Variants in EPHB1 observed in about 807,000 individuals in gnomAD.
EPHB1 encodes the protein ephrin type-B receptor 1.
Under a neutral mutation model 94.4 loss-of-function variants are expected in EPHB1, and 30 were observed. That is an observed-to-expected ratio of 0.32 (90% CI 0.24 to 0.43). EPHB1 has a LOEUF of 0.43. Among genes scored for constraint, EPHB1 ranks in the 20% least tolerant of loss-of-function variants. The pLI, the probability that EPHB1 is intolerant of heterozygous loss-of-function variation, is 1.00. For missense variants in EPHB1, 1,055 were observed against 1,308.3 expected, an observed-to-expected ratio of 0.81 and a Z score of 2.99; for synonymous variants, 522 against 489.1, an observed-to-expected ratio of 1.07 and a Z score of -0.89.
In EPHB1 at chr3:135,027,941, G is replaced by C. The variant is rs1355470188; in HGVS notation, c.805+75889G>C. Among the ~76,000 whole-genome samples the C allele has an allele frequency of 4.2e-5, 6 of 142,534 alleles. No homozygotes were observed. The East Asian group carries it at 1.3e-3, about 31-fold the overall frequency. The allele number at this position is 142,534 out of a possible 152,430, so 93.5% of individuals were successfully genotyped here. ...TATTCAGAGATTCAACTTCTTCCTGGTTTAGTCTTGGGAGAGTGTATGTGT... is the reference window on the plus strand; with the variant it reads ...TATTCAGAGATTCAACTTCTTCCTGCTTTAGTCTTGGGAGAGTGTATGTGT... On this transcript the variant is annotated intron_variant, in intron 3 of 15. Coordinates refer to ENST00000398015, the MANE Select transcript of EPHB1 (RefSeq NM_004441.5).
chr3:134,851,020 C>G (rs1464006882), intron 1 of EPHB1, among the ~76,000 whole-genome samples: 2 of 152,262 alleles, frequency 1.3e-5, no homozygotes, highest in African/African-American at 2.4e-5. Context: ...TCTCCTCTTC[C>G]TGGTTGGACC....
intron 3 of EPHB1, among the ~76,000 whole-genome samples, chr3:135,001,043 A>G (rs1410150826): frequency 1.3e-5 from 2 of 152,134 alleles, no homozygotes; most frequent in African/African-American, 4.8e-5. Flanking sequence ...CTCGGAGCAG[A>G]CACCTTTTCC....
intron 3 of EPHB1, among the ~76,000 whole-genome samples, chr3:135,077,880 G>A (rs1212792860): frequency 6.6e-6 from 1 of 152,178 alleles, no homozygotes; most frequent in East Asian, 1.9e-4. Context: ...GTTGATCTTT[G>A]CCATTGGTTT....
At chr3:134,845,780 T>C (rs2036861327) in intron 1 of EPHB1, among the ~76,000 whole-genome samples, 1 of 152,208 alleles carries the variant, frequency 6.6e-6, no homozygotes, top group Non-Finnish European at 1.5e-5. Flanking sequence ...ACCCACTGTT[T>C]TGCCCCAAAG....
chr3:134,964,512 C>T (rs1488676322), intron 3 of EPHB1, among the ~76,000 whole-genome samples: 2 of 152,176 alleles, frequency 1.3e-5, no homozygotes, highest in Admixed American at 6.5e-5. Flanking sequence ...ATGGATAGAG[C>T]TTCTCATTGA....
chr3:135,024,267 C>T (rs1189332669), intron 3 of EPHB1, among the ~76,000 whole-genome samples: 2 of 152,184 alleles, frequency 1.3e-5, no homozygotes, highest in East Asian at 3.8e-4. Context: ...AACTTCATCT[C>T]AAGAGACTCG....
At chr3:135,039,791 G>A (rs969030288) in intron 3 of EPHB1, among the ~76,000 whole-genome samples, 26 of 152,208 alleles carry the variant, frequency 1.7e-4, no homozygotes, top group Admixed American at 9.2e-4. Flanking sequence ...ACGCAGCCCC[G>A]GTTCCCGCTC....
chr3:134,861,716 T>C (rs1395428635), intron 1 of EPHB1, among the ~76,000 whole-genome samples: 1 of 152,004 alleles, frequency 6.6e-6, no homozygotes, highest in African/African-American at 2.4e-5. Flanking sequence ...AAATAATAGC[T>C]TGTTTGGCAT....
In EPHB1 at chr3:134,907,294, A is replaced by C. The variant is rs191177184; in HGVS notation, c.59-18522A>C. On this transcript the variant is annotated intron_variant, in intron 1 of 15. Coordinates refer to ENST00000398015, the MANE Select transcript of EPHB1 (RefSeq NM_004441.5). ...TCAACTCCAGTGCTCTCTTAGTTGC[A>C]CCATGGCTGGCTAGGTAAGAGTCCA... Among the ~76,000 whole-genome samples, 4 of 152,344 alleles carry C rather than the reference A, an allele frequency of 2.6e-5. No homozygotes were observed. In the East Asian group the frequency reaches 7.7e-4, roughly 29 times the overall value.
chr3:135,204,306 C>T lies in EPHB1; in HGVS notation c.2346+2617C>T, dbSNP rs147454988. 3.0e-3 allele frequency among the ~76,000 whole-genome samples: 449 copies of T among 152,186 alleles called. 2 individuals carry two copies. The highest frequency in any genetic ancestry group is 0.01 in the African/African-American group (421 of 41,504). ...GCAACCTCTGCCTCCAGAGTTTAAG[C>T]GATTCTCCTGTCTCAGCCTCCCAAG... is the stretch of plus-strand genomic sequence containing the variant. On this transcript the variant is annotated intron_variant, in intron 12 of 15. Transcript: ENST00000398015.
chr3:135,204,140 T>G (rs1226186017), intron 12 of EPHB1, among the ~76,000 whole-genome samples: 4 of 152,220 alleles, frequency 2.6e-5, no homozygotes, highest in Non-Finnish European at 5.9e-5. Flanking sequence ...CTCAAGTATA[T>G]ATCCTTTGTG....
intron 3 of EPHB1, among the ~76,000 whole-genome samples, chr3:135,038,630 G>T (rs1936726115): frequency 6.6e-6 from 1 of 152,096 alleles, no homozygotes; most frequent in South Asian, 2.1e-4. Context: ...AGCTCTTAAG[G>T]TGGCGCGTCT....
chr3:134,932,381 A>G (rs2038923132), intron 2 of EPHB1, among the ~76,000 whole-genome samples: 1 of 152,172 alleles, frequency 6.6e-6, no homozygotes, highest in Admixed American at 6.5e-5. Context: ...CAAGTGACTC[A>G]GGAAAGCACA....
At chr3:135,148,914 C>G (rs1367678639) in intron 5 of EPHB1, among the ~76,000 whole-genome samples, 1 of 152,176 alleles carries the variant, frequency 6.6e-6, no homozygotes, top group Non-Finnish European at 1.5e-5. Flanking sequence ...GGCTATAACT[C>G]TCTTCTTCGA....
In EPHB1 at chr3:135,168,653, C is replaced by T. The variant is rs190756163; in HGVS notation, c.1759+1647C>T. On this transcript the variant is annotated intron_variant, in intron 9 of 15. Transcript: ENST00000398015. ...TCCGTATTTCCTCAAGGGCGACCTT[C>T]GTCTCCCTGCTTCCCTGCCTCTGCC... 6.5e-4 allele frequency among the ~76,000 whole-genome samples: 99 copies of T among 152,294 alleles called. 2 individuals are homozygous for T. The highest frequency in any genetic ancestry group is 2.2e-3 in the African/African-American group (91 of 41,564).
At chr3:135,202,115 C>T (rs1286907139) in intron 12 of EPHB1, among the ~76,000 whole-genome samples, 1 of 152,168 alleles carries the variant, frequency 6.6e-6, no homozygotes, top group Non-Finnish European at 1.5e-5. Flanking sequence ...TCTCTCTTCT[C>T]TCTATATTGC....
At chr3:134,996,625 G>A (rs896586154) in intron 3 of EPHB1, among the ~76,000 whole-genome samples, 1 of 152,124 alleles carries the variant, frequency 6.6e-6, no homozygotes, top group South Asian at 2.1e-4. Context: ...TATCCCAGCT[G>A]CCCATGAGAG....
chr3:134,853,350 G>A (rs1040986749), intron 1 of EPHB1, among the ~76,000 whole-genome samples: 4 of 152,232 alleles, frequency 2.6e-5, no homozygotes, highest in Admixed American at 2.0e-4. Context: ...GGGCATGTAG[G>A]GGGTGGTGTG....
At chr3:135,145,283 T>C (rs1940973767) in intron 5 of EPHB1, among the ~76,000 whole-genome samples, 1 of 152,208 alleles carries the variant, frequency 6.6e-6, no homozygotes, top group Non-Finnish European at 1.5e-5. Flanking sequence ...AAGTCTTTAG[T>C]TGACATTTAA....
Sources: gnomAD v4.1 joint callset for allele counts (sites outside exome capture counted in the v4.1 genomes callset) on GRCh38, gnomAD v4.1.1 for gene constraint, MANE v1.5 for transcripts, NCBI Gene and HGNC (gene_info 2026-07-23, HGNC 2026-07-21) for gene names.